MEIS3: variants seen among roughly 807,000 people sequenced by gnomAD.
The protein encoded by MEIS3 is homeobox protein Meis3.
Under a neutral mutation model 51.4 loss-of-function variants are expected in MEIS3, and 38 were observed. The observed-to-expected ratio is 0.74, with a 90% CI of 0.57 to 0.97. MEIS3 has a LOEUF of 0.97. Among genes scored for constraint, MEIS3 ranks in the 50% least tolerant of loss-of-function variants. The pLI is 0.00. For synonymous variants in MEIS3, 198 were observed against 201.8 expected (o/e 0.98, Z 0.16); for missense variants, 456 against 502.6 (o/e 0.91, Z 0.89).
chr19:47,420,098 T>A (rs1323194392), upstream of MEIS3, among the ~76,000 whole-genome samples: 4 of 152,154 alleles, frequency 2.6e-5, no homozygotes, highest in Non-Finnish European at 5.9e-5. Flanking sequence ...CCCGTGGCTG[T>A]CCTGCGGTGA....
chr19:47,404,030 G>A lies in MEIS3; in HGVS notation c.*18-477C>T, dbSNP rs530097333. Among the ~76,000 whole-genome samples, 7 of 152,084 alleles carry A rather than the reference G, an allele frequency of 4.6e-5. No individual in the cohort carries two copies. In the South Asian group the frequency reaches 8.3e-4, roughly 18 times the overall value. ...CAGCCTGGGGAACAAAGCGAGACCC[G>A]TCTCTACAAAAATAAAAATAAAAAT... On this transcript the variant is annotated intron_variant, in intron 12 of 12. Transcript: ENST00000558555.
Position 47,416,915 on chromosome 19 carries a change from C to T in MEIS3, c.234G>A (p.Leu78=), listed in dbSNP as rs373581299. The T allele has an allele frequency of 2.5e-6, 4 of 1,611,118 alleles. No individual in the cohort carries two copies. The African/African-American group carries it at 5.3e-5, about 22-fold the overall frequency. ...LLALVFEKCE[L]ATCSPRDGAG... The stretch of plus-strand genomic sequence containing the variant: ...CCCCGTCACGGGGAGAGCATGTAGC[C>T]AGTTCACATTTCTCAAAGACCAGGG... The change falls in exon 3 of 13, where the codon CTG becomes CTA. Residue 78 remains leucine (L), a synonymous_variant. Coordinates refer to ENST00000558555, the MANE Select transcript of MEIS3 (RefSeq NM_001301059.2).
At chr19:47,420,918 A>T (rs1481942876), upstream of MEIS3, among the ~76,000 whole-genome samples, 14 of 104,030 alleles carry the variant, frequency 1.3e-4, no homozygotes, top group South Asian at 3.7e-3. Flanking sequence ...TCTCACACAC[A>T]CACACACACA....
Position 47,415,042 on chromosome 19 carries a change from C to T in MEIS3, c.447+9G>A, listed in dbSNP as rs370863611. On this transcript the variant is annotated intron_variant, in intron 5 of 12. Coordinates refer to ENST00000558555, the MANE Select transcript of MEIS3 (RefSeq NM_001301059.2). ...CAAGTGAGGGTGTGGGGAGGTGAGA[C>T]GCGCTCACCTTCTCCAGCTCCAGCA... 5.3e-5 allele frequency: 83 copies of T among 1,556,978 alleles called. No homozygotes were observed. The highest frequency in any genetic ancestry group is 8.3e-5 in the African/African-American group (6 of 72,572).
intron 6 of MEIS3, 142 bp from the exon 7 acceptor site, chr19:47,409,689 C>A (rs1971032584): frequency 1.8e-6 from 1 of 565,382 alleles, no homozygotes; most frequent in South Asian, 2.0e-5. Context: ...TGGTGAAACC[C>A]CGTCTCTACT....
intron 12 of MEIS3, chr19:47,406,232 G>C (rs867921132): frequency 1.3e-5 from 6 of 466,652 alleles, no homozygotes; most frequent in Non-Finnish European, 1.9e-5. Context: ...AGATATGGAT[G>C]GGTGAGTGAG....
At chr19:47,417,776 TCA>T (rs1417380998) in intron 1 of MEIS3, 8 of 637,178 alleles carry the variant, frequency 1.3e-5, no homozygotes, top group Non-Finnish European at 2.3e-5. Flanking sequence ...CTATTTCATT[TCA>T]CAGTTGGCAG....
At chr19:47,420,422 G>A (rs1331434102), upstream of MEIS3, among the ~76,000 whole-genome samples, 1 of 151,326 alleles carries the variant, frequency 6.6e-6, no homozygotes, top group Admixed American at 6.6e-5. Flanking sequence ...CCAGTGGTGG[G>A]GGGCGTGGAC....
chr19:47,410,955 T>C (rs1971103602), intron 6 of MEIS3, among the ~76,000 whole-genome samples: 1 of 152,074 alleles, frequency 6.6e-6, no homozygotes, highest in Non-Finnish European at 1.5e-5. Context: ...TCTTTATTTT[T>C]AGTCAGTGTC....
chr19:47,421,288 G>T (rs1343352552), upstream of MEIS3, among the ~76,000 whole-genome samples: 1 of 152,182 alleles, frequency 6.6e-6, no homozygotes, highest in East Asian at 1.9e-4. Flanking sequence ...AGATCTGGGG[G>T]ACCTCATGGG....
chr19:47,421,013 G>C (rs372071071), upstream of MEIS3, among the ~76,000 whole-genome samples: 1 of 146,754 alleles, frequency 6.8e-6, no homozygotes, highest in South Asian at 2.1e-4. Flanking sequence ...GGACCCTTCT[G>C]TTCCCAGGGG....
At position 47,406,545 on chromosome 19, in the gene MEIS3, G is replaced by A; in HGVS notation, c.1079-19C>T. 1.2e-6 allele frequency: 2 copies of A among 1,612,964 alleles called. No homozygotes were observed. The highest frequency in any genetic ancestry group is 1.7e-6 in the Non-Finnish European group (2 of 1,179,070). On this transcript the variant is annotated intron_variant, in intron 11 of 12. Coordinates refer to ENST00000558555, the MANE Select transcript of MEIS3 (RefSeq NM_001301059.2). ...ACTGATCCTGGAAGACAAAAAAAAA[G>A]GAGGGTAAGTGCGTCTTTCAGAGAC...
At chr19:47,408,880 G>A (rs978423109) in intron 8 of MEIS3, among the ~76,000 whole-genome samples, 4 of 152,036 alleles carry the variant, frequency 2.6e-5, no homozygotes, top group Non-Finnish European at 5.9e-5. Context: ...GACAGTTTTC[G>A]GGGAGGACTT....
At chr19:47,409,862 CAAA>C (rs555488853) in intron 6 of MEIS3, among the ~76,000 whole-genome samples, 2 of 124,628 alleles carry the variant, frequency 1.6e-5, no homozygotes, top group Non-Finnish European at 1.7e-5. Context: ...GACTCCGTGT[CAAA>C]AAAAAAAAAA....
rs202121422 is a variant in MEIS3, at chr19:47,416,870, T to C, written c.279A>G (p.Thr93=). The change falls in exon 3 of 13, where the codon ACA becomes ACG. Residue 93 remains threonine (T), a synonymous_variant. Coordinates refer to ENST00000558555, the MANE Select transcript of MEIS3 (RefSeq NM_001301059.2). ...PRDGAGAGLG[T]PPGGDVCSSD... ...AGGAGCAGACGTCACCTCCAGGGGG[T>C]GTCCCCAGCCCAGCTCCGGCCCCGT... 6.2e-7 allele frequency: 1 copy of C among 1,613,724 alleles called. No individual in the cohort carries two copies. The highest frequency in any genetic ancestry group is 2.2e-5 in the East Asian group (1 of 44,878).
intron 8 of MEIS3, 83 bp from the exon 9 acceptor site, chr19:47,407,511 G>A (rs575866300): frequency 1.2e-6 from 2 of 1,609,402 alleles, no homozygotes; most frequent in South Asian, 1.1e-5. Flanking sequence ...GGGTCCGGGG[G>A]ATGGGGAGCC....
chr19:47,413,735 T>C (rs1266067662), intron 6 of MEIS3, among the ~76,000 whole-genome samples: 1 of 151,578 alleles, frequency 6.6e-6, no homozygotes, highest in Non-Finnish European at 1.5e-5. Flanking sequence ...TGATTCTTTT[T>C]TTTTTTTTTT....
chr19:47,417,215 T>C lies in MEIS3; in HGVS notation c.148A>G (p.Ser50Gly), dbSNP rs746482576. ...TCCTTCTCCCTCTTCAGGCCGTCGC[T>C]GTCCAAGCCTGGGGGCAGGGGCTGG... Reference protein sequence around the residue: ...PPQPLPPGLDSDGLKREKDEI... With the variant: ...PPQPLPPGLDGDGLKREKDEI... The change falls in exon 2 of 13, where the codon AGC becomes GGC. Residue 50 changes from serine to glycine, a missense_variant. Ser to Gly is a moderately conservative substitution (Grantham distance 56). Coordinates refer to ENST00000558555, the MANE Select transcript of MEIS3 (RefSeq NM_001301059.2). 9 of 1,574,060 alleles carry C rather than the reference T, an allele frequency of 5.7e-6. No homozygotes were observed. In the African/African-American group the frequency reaches 1.2e-4, roughly 22 times the overall value.
chr19:47,422,198 C>T (rs12985789), upstream of MEIS3, among the ~76,000 whole-genome samples: 98,769 of 151,550 alleles, frequency 0.65, 35,747 homozygotes, highest in Non-Finnish European at 0.8. Context: ...CCATTAGCCA[C>T]GGCTCAGCGG....
Sources: allele counts gnomAD v4.1 joint callset (sites outside exome capture counted in the v4.1 genomes callset), GRCh38; gene constraint gnomAD v4.1.1; transcripts MANE v1.5; gene names NCBI Gene and HGNC (gene_info 2026-07-23, HGNC 2026-07-21).